Variants in PTCHD4 observed in about 807,000 individuals in gnomAD.
PTCHD4 encodes patched domain-containing protein 4.
Under a neutral mutation model 58.1 loss-of-function variants are expected in PTCHD4, and 33 were observed. The observed-to-expected ratio is 0.57, with a 90% confidence interval of 0.43 to 0.76. The LOEUF is 0.76. PTCHD4 is among the 30% of genes least tolerant of loss of function. The pLI, the probability that PTCHD4 is intolerant of heterozygous loss-of-function variation, is 0.00. For synonymous variants in PTCHD4, 478 were observed against 409.6 expected (o/e 1.17, Z -2.02); for missense variants, 1,058 against 1,027.1 (o/e 1.03, Z -0.41).
At chr6:47,907,600 G>A (rs572761564) in intron 4 of PTCHD4, among the ~76,000 whole-genome samples, 8 of 152,194 alleles carry the variant, frequency 5.3e-5, no homozygotes, top group Non-Finnish European at 1.2e-4. Context: ...AATGCCAAAA[G>A]GCACAGCCAA....
intron 4 of PTCHD4, among the ~76,000 whole-genome samples, chr6:47,913,688 G>A (rs1022506360): frequency 1.3e-5 from 2 of 152,058 alleles, no homozygotes; most frequent in Admixed American, 6.6e-5. Flanking sequence ...AACAAAGAGA[G>A]CCCAAATTAT....
intron 3 of PTCHD4, among the ~76,000 whole-genome samples, chr6:48,013,375 GTTT>G (rs5876042): frequency 2.1e-5 from 3 of 145,368 alleles, no homozygotes; most frequent in Non-Finnish European, 4.5e-5. Flanking sequence ...TTTCAGTTGA[GTTT>G]TTTTTTTTTT....
At chr6:47,917,800 G>A (rs1472525958) in intron 4 of PTCHD4, among the ~76,000 whole-genome samples, 2 of 152,050 alleles carry the variant, frequency 1.3e-5, no homozygotes, top group African/African-American at 4.8e-5. Context: ...TTCTGATAGT[G>A]CTAAAGACCC....
chr6:47,982,242 C>G (rs1767905323), intron 4 of PTCHD4, among the ~76,000 whole-genome samples: 1 of 152,106 alleles, frequency 6.6e-6, no homozygotes, highest in African/African-American at 2.4e-5. Flanking sequence ...ATATCCATAG[C>G]AGCATGTTTA....
intron 4 of PTCHD4, among the ~76,000 whole-genome samples, chr6:47,916,547 A>C (rs1406880916): frequency 6.6e-6 from 1 of 152,106 alleles, no homozygotes; most frequent in African/African-American, 2.4e-5. Flanking sequence ...CCAATTATGA[A>C]AGAGCTAGAC....
At chr6:48,017,296 T>G (rs1254949530) in intron 3 of PTCHD4, among the ~76,000 whole-genome samples, 1 of 152,154 alleles carries the variant, frequency 6.6e-6, no homozygotes, top group Non-Finnish European at 1.5e-5. Flanking sequence ...TACAAGGTAT[T>G]TATTTTTTAA....
intron 4 of PTCHD4, among the ~76,000 whole-genome samples, chr6:48,000,730 T>C (rs1193642077): frequency 6.6e-6 from 1 of 152,150 alleles, no homozygotes; most frequent in Admixed American, 6.6e-5. Context: ...GGCCTTTCCT[T>C]TACCTATAGT....
In PTCHD4 at chr6:47,942,490, G is replaced by C. The variant is rs945944789; in HGVS notation, c.899-62554C>G. Among the ~76,000 whole-genome samples the C allele has an allele frequency of 2.6e-5, 4 of 152,130 alleles. No homozygotes were observed. The East Asian group carries it at 7.7e-4, about 29-fold the overall frequency. Reference sequence around the variant, plus strand: ...CAAGGACAGAAAGTGTAAGCTGCAGGATCTTTCTCTGTTGCTGTTGTTCTT... The same window carrying C: ...CAAGGACAGAAAGTGTAAGCTGCAGCATCTTTCTCTGTTGCTGTTGTTCTT... On this transcript the variant is annotated intron_variant, in intron 4 of 4. Transcript: ENST00000339488.
At chr6:47,991,547 G>A (rs777806237) in intron 4 of PTCHD4, among the ~76,000 whole-genome samples, 23 of 151,948 alleles carry the variant, frequency 1.5e-4, no homozygotes, top group Non-Finnish European at 2.8e-4. Flanking sequence ...GTTAAACAGC[G>A]GTAAATATGT....
At chr6:48,107,631 A>T (rs1765761166) in intron 1 of PTCHD4, among the ~76,000 whole-genome samples, 1 of 152,184 alleles carries the variant, frequency 6.6e-6, no homozygotes, top group Non-Finnish European at 1.5e-5. Flanking sequence ...GCTTCTGCAC[A>T]GCAAAAGAAA....
intron 4 of PTCHD4, among the ~76,000 whole-genome samples, chr6:47,935,198 A>G (rs1303933829): frequency 6.6e-6 from 1 of 152,218 alleles, no homozygotes; most frequent in Non-Finnish European, 1.5e-5. Flanking sequence ...AACCTTATAC[A>G]CTATATCCGA....
At position 48,068,324 on chromosome 6, in the gene PTCHD4, T is replaced by C. The variant is rs751747755; in HGVS notation, c.323A>G (p.Tyr108Cys). 5.0e-6 allele frequency: 8 copies of C among 1,613,590 alleles called. No individual in the cohort carries two copies. The highest frequency in any genetic ancestry group is 6.8e-6 in the Non-Finnish European group (8 of 1,179,610). The change falls in exon 3 of 5, where the codon TAT (tyrosine) becomes TGT (cysteine). Residue 108 changes from tyrosine to cysteine, a missense_variant. Physicochemically the swap from Tyr to Cys is radical, Grantham distance 194 (BLOSUM62 -2). Transcript: ENST00000339488. This position sits in a 1 kb window ranked among gnomAD's most constrained non-coding sequence, Gnocchi z 4.2. ...LYSDLHTPGR[Y>C]GRVILLSPTG... ...TGGGGAGAGGAGGATCACCCTGCCATACCTCCCAGGGGTGTGTAAGTCCGA... is the reference window on the plus strand; with the variant it reads ...TGGGGAGAGGAGGATCACCCTGCCACACCTCCCAGGGGTGTGTAAGTCCGA...
At chr6:48,106,603 G>A (rs1003128606) in intron 1 of PTCHD4, among the ~76,000 whole-genome samples, 7 of 152,140 alleles carry the variant, frequency 4.6e-5, no homozygotes, top group African/African-American at 1.7e-4. Flanking sequence ...TCTGGCCAGG[G>A]CAATCAGGCA....
intron 1 of PTCHD4, among the ~76,000 whole-genome samples, chr6:48,107,439 A>AAAAATTAATTC (rs1434573223): frequency 3.3e-5 from 5 of 152,236 alleles, no homozygotes; most frequent in African/African-American, 7.2e-5. Context: ...CACCTTATAC[A>AAAAATTAATTC]AAAATTAATT....
intron 4 of PTCHD4, among the ~76,000 whole-genome samples, chr6:47,983,658 T>C (rs537985920): frequency 1.3e-5 from 2 of 152,240 alleles, no homozygotes; most frequent in African/African-American, 4.8e-5. Context: ...CTTAACATAC[T>C]TGGGGAGAAT....
intron 4 of PTCHD4, among the ~76,000 whole-genome samples, chr6:47,998,990 T>C (rs2114055842): frequency 6.6e-6 from 1 of 152,322 alleles, no homozygotes; most frequent in African/African-American, 2.4e-5. Context: ...AAGCCACCAA[T>C]AAGTCAATGT....
At chr6:47,987,174 A>T (rs1233669411) in intron 4 of PTCHD4, among the ~76,000 whole-genome samples, 1 of 150,680 alleles carries the variant, frequency 6.6e-6, no homozygotes, top group African/African-American at 2.4e-5. Flanking sequence ...GTAAATATTA[A>T]CATTAAGAAC....
At chr6:47,936,066 A>G (rs1034358753) in intron 4 of PTCHD4, among the ~76,000 whole-genome samples, 1 of 152,122 alleles carries the variant, frequency 6.6e-6, no homozygotes, top group Admixed American at 6.6e-5. Context: ...ATCTTTGGAA[A>G]CACAGAAATG....
At chr6:48,042,425 G>A (rs1322851788) in intron 3 of PTCHD4, among the ~76,000 whole-genome samples, 2 of 151,854 alleles carry the variant, frequency 1.3e-5, no homozygotes, top group Admixed American at 1.3e-4. Context: ...GGATCTAAAG[G>A]CAAATGCAAT....
Sources: gnomAD v4.1 joint callset for allele counts (sites outside exome capture counted in the v4.1 genomes callset) on GRCh38, gnomAD v4.1.1 for gene constraint, Gnocchi (gnomAD v3.1) non-coding constraint, MANE v1.5 for transcripts, NCBI Gene and HGNC (gene_info 2026-07-23, HGNC 2026-07-21) for gene names.